OTOA: variants seen among roughly 807,000 people sequenced by gnomAD.
OTOA encodes the protein otoancorin, also known as cancer/testis antigen 108.
OTOA carries 70 observed loss-of-function variants against 110.8 expected under a neutral mutation model. The observed-to-expected ratio is 0.63, with a 90% confidence interval of 0.52 to 0.77. OTOA has a LOEUF of 0.77. Ranked by LOEUF, OTOA falls within the 30% of genes least tolerant of loss-of-function variation. OTOA has a pLI of 0.00. For synonymous variants in OTOA, 373 were observed against 431.5 expected (o/e 0.86, Z 1.68); for missense variants, 917 against 1,075.8 (o/e 0.85, Z 2.06).
At chr16:21,719,631 A>G (rs1464087474) in intron 17 of OTOA, 127 bp downstream of exon 17, 5 of 928,584 alleles carry the variant, frequency 5.4e-6, no homozygotes. Flanking sequence ...ACTTAGGGCC[A>G]AAGATTGAGC....
At chr16:21,750,209 G>C (rs1459565160) in intron 24 of OTOA, among the ~76,000 whole-genome samples, 1 of 151,474 alleles carries the variant, frequency 6.6e-6, no homozygotes, top group Non-Finnish European at 1.5e-5. Context: ...GAGGTCAGGA[G>C]TTTGAGACCA....
intron 10 of OTOA, among the ~76,000 whole-genome samples, chr16:21,700,495 C>T (rs565141908): frequency 1.1e-4 from 17 of 152,030 alleles, no homozygotes; most frequent in Admixed American, 3.3e-4. Flanking sequence ...GAGGCCGAGG[C>T]GGGTGGATCA....
intron 17 of OTOA, chr16:21,721,385 A>C (rs1384742853): frequency 2.2e-6 from 1 of 455,190 alleles, no homozygotes; most frequent in East Asian, 7.0e-5. Flanking sequence ...CCATGTCTGC[A>C]AACATTTTTG....
chr16:21,734,730 G>A (rs576697409), intron 21 of OTOA, among the ~76,000 whole-genome samples: 3 of 152,042 alleles, frequency 2.0e-5, no homozygotes, highest in Admixed American at 2.0e-4. Context: ...CCAGCTACTC[G>A]GGAGGCTGAG....
At chr16:21,683,247 C>T (rs906055132) in intron 6 of OTOA, among the ~76,000 whole-genome samples, 3 of 152,290 alleles carry the variant, frequency 2.0e-5, no homozygotes, top group Non-Finnish European at 2.9e-5. Context: ...ATAGCTGGCA[C>T]TATTGAGCAC....
intron 18 of OTOA, among the ~76,000 whole-genome samples, chr16:21,726,146 A>G (rs754070129): frequency 6.6e-6 from 1 of 152,028 alleles, no homozygotes; most frequent in Non-Finnish European, 1.5e-5. Flanking sequence ...CCATCAATCA[A>G]CATGTCTATT....
chr16:21,694,785 A>C (rs893762480), intron 9 of OTOA, among the ~76,000 whole-genome samples: 3 of 152,146 alleles, frequency 2.0e-5, no homozygotes, highest in Admixed American at 6.6e-5. Context: ...TTCAGCTCTG[A>C]GATTTGTGCA....
chr16:21,758,886 C>T (rs1900078417), intron 28 of OTOA, among the ~76,000 whole-genome samples: 1 of 151,564 alleles, frequency 6.6e-6, no homozygotes, highest in South Asian at 2.1e-4. Flanking sequence ...CCTGTAATCC[C>T]AGCTATTCGG....
At chr16:21,736,990 G>A (rs1597857546) in intron 22 of OTOA, among the ~76,000 whole-genome samples, 1 of 152,428 alleles carries the variant, frequency 6.6e-6, no homozygotes, top group African/African-American at 2.4e-5. Context: ...CAGTGACAGG[G>A]CCGGGCTGGC....
At chr16:21,692,531 G>A (rs895999655) in intron 9 of OTOA, among the ~76,000 whole-genome samples, 2 of 152,122 alleles carry the variant, frequency 1.3e-5, no homozygotes, top group African/African-American at 4.8e-5. Context: ...GTACAGTTTC[G>A]ATTTTGCAAG....
intron 27 of OTOA, among the ~76,000 whole-genome samples, chr16:21,756,409 A>T (rs1300000416): frequency 6.6e-6 from 1 of 152,096 alleles, no homozygotes; most frequent in Non-Finnish European, 1.5e-5. Context: ...AGAGGAGATG[A>T]GTTCTCTATG....
At chr16:21,684,019 G>T (rs537128196) in intron 6 of OTOA, among the ~76,000 whole-genome samples, 1 of 151,914 alleles carries the variant, frequency 6.6e-6, no homozygotes, top group Admixed American at 6.5e-5. Context: ...CGCCTGTCTT[G>T]GCCTCCCAAA....
intron 19 of OTOA, 142 bp downstream of exon 19, chr16:21,726,800 G>T (rs774159764): frequency 1.8e-5 from 22 of 1,220,718 alleles, no homozygotes; most frequent in Non-Finnish European, 2.6e-5. Flanking sequence ...TTACTCTAAA[G>T]TTGCTGGTTG....
chr16:21,728,129 T>A, intron 19 of OTOA, 112 bp from the exon 20 acceptor site: 1 of 1,332,262 alleles, frequency 7.5e-7, no homozygotes. Flanking sequence ...CCTCCCAGAG[T>A]GCTGGGATTA....
chr16:21,722,089 T>A (rs1212913352), intron 17 of OTOA, among the ~76,000 whole-genome samples: 11 of 108,072 alleles, frequency 1.0e-4, no homozygotes, highest in South Asian at 2.9e-4. Flanking sequence ...AAAAACCCAC[T>A]AAAAATACAA....
chr16:21,672,284 T>A (rs1966850251), intron 1 of OTOA, among the ~76,000 whole-genome samples: 1 of 152,148 alleles, frequency 6.6e-6, no homozygotes, highest in Non-Finnish European at 1.5e-5. Context: ...ATATGGGTTT[T>A]TTCCCTTTGG....
chr16:21,673,264 T>C (rs1232501200), intron 1 of OTOA, among the ~76,000 whole-genome samples: 1 of 152,244 alleles, frequency 6.6e-6, no homozygotes, highest in Non-Finnish European at 1.5e-5. Context: ...GTAACAATAG[T>C]ACCATATAAA....
chr16:21,680,887 A>G (rs780629413), intron 5 of OTOA, among the ~76,000 whole-genome samples: 3 of 151,900 alleles, frequency 2.0e-5, no homozygotes, highest in African/African-American at 4.8e-5. Context: ...AAGGCTATTC[A>G]TGGGCATTTA....
intron 5 of OTOA, among the ~76,000 whole-genome samples, chr16:21,680,546 C>T (rs151255712): frequency 2.0e-5 from 3 of 150,554 alleles, no homozygotes; most frequent in Non-Finnish European, 3.0e-5. Context: ...AAGAAGCAAA[C>T]GTAAGATTAC....
Sources: allele counts gnomAD v4.1 joint callset (sites outside exome capture counted in the v4.1 genomes callset), GRCh38; gene constraint gnomAD v4.1.1; transcripts MANE v1.5; gene names NCBI Gene and HGNC (gene_info 2026-07-23, HGNC 2026-07-21).